Variants in ZNF398 observed in about 807,000 individuals in gnomAD.
ZNF398 encodes zinc finger protein 398, also known as zinc finger DNA binding protein ZER6.
ZNF398 carries 18 observed loss-of-function variants against 41.9 expected under a neutral mutation model. That is an observed-to-expected ratio of 0.43 (90% CI 0.30 to 0.64). The LOEUF is 0.64. Ranked by LOEUF, ZNF398 falls within the 30% of genes least tolerant of loss-of-function variation. The probability of loss-of-function intolerance (pLI) is 0.14; values close to 1 mark genes in which losing one functional copy is unlikely to be tolerated. For missense variants in ZNF398, 669 were observed against 822.8 expected (o/e 0.81, Z 2.29); for synonymous variants, 260 against 308.8 (o/e 0.84, Z 1.66).
chr7:149,160,713 G>A (rs1795090968), intron 2 of ZNF398, among the ~76,000 whole-genome samples: 1 of 152,178 alleles, frequency 6.6e-6, no homozygotes, highest in African/African-American at 2.4e-5. Flanking sequence ...TGTGAATTAA[G>A]TATGCTTTGC....
At position 149,179,148 on chromosome 7, in the gene ZNF398, C is replaced by G. The variant is rs1795535448; in HGVS notation, c.1276C>G (p.Pro426Ala). 1 of 1,614,054 alleles carries G rather than the reference C, an allele frequency of 6.2e-7. No homozygotes were observed. Among genetic ancestry groups the G allele is most frequent in the Admixed American group, 1.7e-5 (1 of 60,010 alleles). Reference protein sequence around the residue: ...HLRVHNSTERPFPCPDCPKRF... With the variant: ...HLRVHNSTERAFPCPDCPKRF... ...TCGGGTCCATAACAGCACTGAGCGTCCTTTCCCCTGTCCTGATTGCCCCAA... is the reference window on the plus strand; with the variant it reads ...TCGGGTCCATAACAGCACTGAGCGTGCTTTCCCCTGTCCTGATTGCCCCAA... Residue 426 changes from proline to alanine, a missense_variant, in exon 6 of 6, where the codon CCT becomes GCT. Around this residue, in one of 3 missense-constraint regions of ZNF398, gnomAD observed 290 missense variants for 292.9 expected, o/e 0.99. Transcript: ENST00000475153. The surrounding 1 kb of genome is among the most constrained non-coding windows in gnomAD (Gnocchi z 6.1).
intron 1 of ZNF398, chr7:149,151,168 G>A (rs569782484): frequency 1.2e-4 from 127 of 1,070,618 alleles, no homozygotes; most frequent in Non-Finnish European, 1.3e-4. Flanking sequence ...GAAACCATTG[G>A]TATGTGGTGA....
In ZNF398 at chr7:149,154,203, A is replaced by C; in HGVS notation, c.283A>C (p.Lys95Gln). The C allele has an allele frequency of 1.2e-6, 2 of 1,614,180 alleles. No individual in the cohort carries two copies. Among genetic ancestry groups the C allele is most frequent in the Admixed American group, 3.3e-5 (2 of 60,014 alleles). Residue 95 changes from lysine (K) to glutamine (Q), a missense_variant, in exon 2 of 6, where the codon AAG becomes CAG. This residue lies in a region of ZNF398 where 169 missense variants were observed against 239.5 expected (regional missense o/e 0.71). Coordinates refer to ENST00000475153, the MANE Select transcript of ZNF398 (RefSeq NM_170686.3). ...CGAGCTTGGGAACCAGCTGGAGGGC[A>C]AGTGGGCCGTGCTGGGAACCCTGCT... ...VTELGNQLEG[K>Q]WAVLGTLLQE... is the part of the protein sequence containing the mutation.
At chr7:149,128,780 T>TAAAATAAAATAAAATAA (rs71192757) in intron 1 of ZNF398, 1 of 143,420 alleles carries the variant, frequency 7.0e-6, no homozygotes, top group African/African-American at 2.6e-5. Context: ...TAAAATAAAA[T>TAAAATAAAATAAAATAA]TATATATATA....
At chr7:149,159,934 C>G (rs1795070106) in intron 2 of ZNF398, among the ~76,000 whole-genome samples, 1 of 151,878 alleles carries the variant, frequency 6.6e-6, no homozygotes, top group Non-Finnish European at 1.5e-5. Context: ...CCATGTTGGC[C>G]AGGCTTGTCT....
At chr7:149,131,185 T>C (rs1325915685) in intron 2 of ZNF398, among the ~76,000 whole-genome samples, 1 of 152,230 alleles carries the variant, frequency 6.6e-6, no homozygotes, top group Non-Finnish European at 1.5e-5. Context: ...CAATTGGGTC[T>C]GTTTCAGTGT....
chr7:149,158,419 G>C (rs1252841546), intron 2 of ZNF398, among the ~76,000 whole-genome samples: 10 of 152,142 alleles, frequency 6.6e-5, no homozygotes, highest in Admixed American at 1.3e-4. Context: ...CTGTGAAGTG[G>C]GGTGGAGATG....
rs1453511552 is a variant in ZNF398, at chr7:149,157,771, G to A, written c.420+3431G>A. 4.0e-5 allele frequency among the ~76,000 whole-genome samples: 6 copies of A among 151,342 alleles called. No individual in the cohort carries two copies. In the Admixed American group the frequency reaches 4.0e-4, roughly 10 times the overall value. ...GAGAATTGCTTGAACTCGGGAGGCG[G>A]AGGTCGCAGTGAGCCGAGATCGTGC... On this transcript the variant is annotated intron_variant, in intron 2 of 5. Coordinates refer to ENST00000475153, the MANE Select transcript of ZNF398 (RefSeq NM_170686.3).
At chr7:149,161,822 AAG>A (rs377411309) in intron 2 of ZNF398, among the ~76,000 whole-genome samples, 82 of 148,436 alleles carry the variant, frequency 5.5e-4, no homozygotes, top group African/African-American at 1.3e-3. Context: ...AAAAAAAAAA[AAG>A]GGGAATTGTT....
intron 4 of ZNF398, among the ~76,000 whole-genome samples, chr7:149,169,272 A>G (rs1451600824): frequency 6.6e-6 from 1 of 151,980 alleles, no homozygotes; most frequent in African/African-American, 2.4e-5. Context: ...TTTAGTAACG[A>G]TGGGGTTTTG....
At chr7:149,174,809 GA>G (rs1383657801) in intron 4 of ZNF398, among the ~76,000 whole-genome samples, 1 of 152,178 alleles carries the variant, frequency 6.6e-6, no homozygotes, top group Non-Finnish European at 1.5e-5. Flanking sequence ...CTGGGTGATA[GA>G]GTGAGACCCT....
chr7:149,140,666 G>A (rs537785687), intron 2 of ZNF398, among the ~76,000 whole-genome samples: 1 of 152,124 alleles, frequency 6.6e-6, no homozygotes, highest in East Asian at 1.9e-4. Flanking sequence ...TTACAGGCGT[G>A]AGCCACCACG....
Position 149,179,920 on chromosome 7 carries a change from T to G in ZNF398, c.*119T>G. The G allele has an allele frequency of 5.1e-6, 5 of 974,480 alleles. No homozygotes were observed. Among genetic ancestry groups the G allele is most frequent in the Non-Finnish European group, 7.2e-6 (5 of 690,364 alleles). 60.4% of individuals were successfully genotyped at this position (974,480 alleles called of 1,614,324 possible). A position where few individuals can be genotyped will look rare whatever the true frequency, so the allele number is the denominator to read the frequency against. Reference sequence around the variant, plus strand: ...ATTATTATCTGGCACATCAATGAATTTGGGGTCCTATACACTTGACTAGAG... The same window carrying G: ...ATTATTATCTGGCACATCAATGAATGTGGGGTCCTATACACTTGACTAGAG... On this transcript the variant is annotated 3_prime_UTR_variant, in exon 6 of 6. Transcript: ENST00000475153. This position sits in a 1 kb window ranked among gnomAD's most constrained non-coding sequence, Gnocchi z 6.1.
intron 2 of ZNF398, among the ~76,000 whole-genome samples, chr7:149,136,793 C>T (rs931812539): frequency 1.3e-5 from 2 of 151,368 alleles, no homozygotes; most frequent in African/African-American, 4.9e-5. Context: ...TGGTCTCGAT[C>T]TCCTGACCTC....
intron 4 of ZNF398, among the ~76,000 whole-genome samples, chr7:149,175,783 C>G (rs1426865364): frequency 6.6e-6 from 1 of 152,128 alleles, no homozygotes; most frequent in Non-Finnish European, 1.5e-5. Flanking sequence ...CTCCCAGGTT[C>G]AAGCAATTCT....
chr7:149,179,616 C>T lies in ZNF398; in HGVS notation c.1744C>T (p.Leu582Phe). The change falls in exon 6 of 6, where the codon CTC (leucine) becomes TTC (phenylalanine). Residue 582 changes from leucine (L) to phenylalanine (F), a missense_variant. Physicochemically the swap from Leu to Phe is conservative, Grantham distance 22. Transcript: ENST00000475153. This position sits in a 1 kb window ranked among gnomAD's most constrained non-coding sequence, Gnocchi z 6.1. ...CGRSFRYKQT[L>F]KDHLRSGHNG... is the part of the protein sequence containing the mutation. ...CAGGAGCTTCCGCTACAAACAGACA[C>T]TCAAGGACCACCTCCGTTCAGGCCA... The T allele has an allele frequency of 6.2e-7, 1 of 1,614,212 alleles. No homozygotes were observed. The highest frequency in any genetic ancestry group is 2.2e-5 in the East Asian group (1 of 44,890).
At chr7:149,176,016 GTTA>G (rs928196442) in intron 4 of ZNF398, among the ~76,000 whole-genome samples, 2 of 152,034 alleles carry the variant, frequency 1.3e-5, no homozygotes, top group African/African-American at 4.8e-5. Context: ...CTGGTTCTGT[GTTA>G]TTGTTATAGT....
intron 2 of ZNF398, among the ~76,000 whole-genome samples, chr7:149,131,286 T>A (rs114582147): frequency 0.018 from 2,738 of 152,300 alleles, 73 homozygotes; most frequent in African/African-American, 0.063. Context: ...CAACTTCTAG[T>A]TAAGTTTTTG....
Position 149,147,532 on chromosome 7 carries a change from G to C in ZNF398, c.-211G>C. Reference sequence around the variant, plus strand: ...GGAGTCGGCCTCGCGACCCCAGCTTGATCCGCCGCCTGCTGCACCGCGCCT... The same window carrying C: ...GGAGTCGGCCTCGCGACCCCAGCTTCATCCGCCGCCTGCTGCACCGCGCCT... On this transcript the variant is annotated 5_prime_UTR_variant, in exon 1 of 6. Coordinates refer to ENST00000475153, the MANE Select transcript of ZNF398 (RefSeq NM_170686.3). The surrounding 1 kb of genome is among the most constrained non-coding windows in gnomAD (Gnocchi z 5.6). 1 of 387,424 alleles carries C rather than the reference G, an allele frequency of 2.6e-6. No individual in the cohort carries two copies. Among genetic ancestry groups the C allele is most frequent in the Middle Eastern group, 7.6e-4 (1 of 1,314 alleles). 24.0% of individuals were successfully genotyped at this position (387,424 alleles called of 1,614,324 possible).
Sources: allele counts gnomAD v4.1 joint callset (sites outside exome capture counted in the v4.1 genomes callset), GRCh38; gene constraint gnomAD v4.1.1; regional missense constraint gnomAD v4.1.1; non-coding constraint Gnocchi (gnomAD v3.1); transcripts MANE v1.5; gene names NCBI Gene and HGNC (gene_info 2026-07-23, HGNC 2026-07-21).